TCF3: variants seen among roughly 807,000 people sequenced by gnomAD.
The protein encoded by TCF3 is transcription factor E2-alpha.
In TCF3, 54 loss-of-function variants were observed where a neutral mutation model predicts 72.3. The observed-to-expected ratio is 0.75, with a 90% CI of 0.60 to 0.94. The LOEUF (loss-of-function observed/expected upper bound fraction) is 0.94, where lower values mean the gene tolerates loss of function less well. Ranked by LOEUF, TCF3 falls within the 40% of genes least tolerant of loss-of-function variation. The probability of loss-of-function intolerance (pLI) is 0.00; values close to 1 mark genes in which losing one functional copy is unlikely to be tolerated. For synonymous variants in TCF3, 525 were observed against 412.6 expected, an observed-to-expected ratio of 1.27 and a Z score of -3.30; for missense variants, 1,078 against 934.4, an observed-to-expected ratio of 1.15 and a Z score of -2.00.
chr19:1,645,230 C>T (rs1433282555), intron 3 of TCF3, among the ~76,000 whole-genome samples: 1 of 152,086 alleles, frequency 6.6e-6, no homozygotes. Flanking sequence ...CCACCCAGAT[C>T]CCGGAGGCAG....
chr19:1,623,315 G>A (rs1478411335), intron 8 of TCF3, among the ~76,000 whole-genome samples: 1 of 152,050 alleles, frequency 6.6e-6, no homozygotes, highest in Non-Finnish European at 1.5e-5. Flanking sequence ...CTGGTAGGGA[G>A]GCAGGGATGC....
Position 1,619,750 on chromosome 19 carries a change from AGGGTGGGGTG to A in TCF3, c.1167+20_1167+29del. On this transcript the variant is annotated intron_variant, in intron 14 of 18. Transcript: ENST00000262965. Reference sequence around the variant, plus strand: ...TCTGTCCTGCAAATTCTGTCGGGGAAGGGTGGGGTGGGGCGGGGCAGGCACTCACCAGGCC... The same window carrying A: ...TCTGTCCTGCAAATTCTGTCGGGGAAGGGCGGGGCAGGCACTCACCAGGCC... 1 of 922,250 alleles carries A rather than the reference AGGGTGGGGTG, an allele frequency of 1.1e-6. No individual in the cohort carries two copies. 57.1% of individuals were successfully genotyped at this position (922,250 alleles called of 1,614,324 possible).
intron 3 of TCF3, among the ~76,000 whole-genome samples, chr19:1,637,483 G>A (rs983988356): frequency 6.6e-6 from 1 of 152,188 alleles, no homozygotes; most frequent in Non-Finnish European, 1.5e-5. Flanking sequence ...CAGAGAAACA[G>A]GGCCCCGCTT....
At chr19:1,629,829 C>G (rs1406206878) in intron 5 of TCF3, among the ~76,000 whole-genome samples, 1 of 152,176 alleles carries the variant, frequency 6.6e-6, no homozygotes, top group African/African-American at 2.4e-5. Context: ...AACGATTTCC[C>G]AACTCCTGGA....
Position 1,609,631 on chromosome 19 carries a change from G to A in TCF3, c.*2076C>T, listed in dbSNP as rs905212039. On this transcript the variant is annotated 3_prime_UTR_variant, in exon 19 of 19. Coordinates refer to ENST00000262965, the MANE Select transcript of TCF3 (RefSeq NM_003200.5). Reference sequence around the variant, plus strand: ...GCAGGGCCAGGAGCAAAACAAGAGGGAGAGGCAAGTTCCCTTAAGAGATCA... The same window carrying A: ...GCAGGGCCAGGAGCAAAACAAGAGGAAGAGGCAAGTTCCCTTAAGAGATCA... 10 of 223,322 alleles carry A rather than the reference G, an allele frequency of 4.5e-5. No individual in the cohort carries two copies. The highest frequency in any genetic ancestry group is 7.1e-5 in the Non-Finnish European group (8 of 112,158). The allele number at this position is 223,322 out of a possible 1,614,324, so 13.8% of individuals were successfully genotyped here. A position where few individuals can be genotyped will look rare whatever the true frequency, so the allele number is the denominator to read the frequency against.
At chr19:1,642,256 G>GCGCACACCCGCA (rs1555775220) in intron 3 of TCF3, among the ~76,000 whole-genome samples, 48 of 150,770 alleles carry the variant, frequency 3.2e-4, no homozygotes, top group African/African-American at 9.8e-4. Context: ...ACACACACGT[G>GCGCACACCCGCA]CGCACACACG....
chr19:1,626,728 G>T (rs899307250), intron 6 of TCF3, among the ~76,000 whole-genome samples: 2 of 152,190 alleles, frequency 1.3e-5, no homozygotes, highest in South Asian at 4.1e-4. Flanking sequence ...AGGGAAACGC[G>T]CATCTGCCCC....
chr19:1,625,133 C>T (rs777359125), intron 7 of TCF3, among the ~76,000 whole-genome samples: 2 of 152,256 alleles, frequency 1.3e-5, no homozygotes, highest in Non-Finnish European at 2.9e-5. Context: ...AGGTGAGTGC[C>T]GCCATGCCTG....
intron 2 of TCF3, among the ~76,000 whole-genome samples, chr19:1,648,382 T>TC (rs2066459135): frequency 6.6e-6 from 1 of 152,098 alleles, no homozygotes; most frequent in Non-Finnish European, 1.5e-5. Context: ...GACGGGCACC[T>TC]CGCCGCTCCC....
At chr19:1,642,129 TACACACACACACACACAC>T (rs10531649) in intron 3 of TCF3, among the ~76,000 whole-genome samples, 2 of 147,358 alleles carry the variant, frequency 1.4e-5, no homozygotes, top group East Asian at 2.0e-4. Context: ...TGCACAGAAC[TACACACACACACACACAC>T]ACACACACAC....
At chr19:1,645,458 A>G (rs1275539598) in intron 3 of TCF3, among the ~76,000 whole-genome samples, 4 of 151,882 alleles carry the variant, frequency 2.6e-5, no homozygotes, top group African/African-American at 9.7e-5. Flanking sequence ...CTGCCCCTGC[A>G]ACGAACACAG....
chr19:1,611,575 T>G lies in TCF3; in HGVS notation c.*132A>C. 1 of 1,270,746 alleles carries G rather than the reference T, an allele frequency of 7.9e-7. No individual in the cohort carries two copies. The highest frequency in any genetic ancestry group is 1.1e-6 in the Non-Finnish European group (1 of 942,234). The allele number at this position is 1,270,746 out of a possible 1,614,324, so 78.7% of individuals were successfully genotyped here. A position where few individuals can be genotyped will look rare whatever the true frequency, so the allele number is the denominator to read the frequency against. ...CCCCATCACTCCGAACCTTGTCAGG[T>G]TGGTGTTGGCTCGATGCTGACAACA... On this transcript the variant is annotated 3_prime_UTR_variant, in exon 19 of 19. Coordinates refer to ENST00000262965, the MANE Select transcript of TCF3 (RefSeq NM_003200.5).
chr19:1,621,717 C>A (rs1599605427), intron 11 of TCF3, 121 bp downstream of exon 11: 1 of 1,324,174 alleles, frequency 7.6e-7, no homozygotes, highest in Non-Finnish European at 1.0e-6. Context: ...TGACAACAAC[C>A]CGCTCTCAGG....
intron 3 of TCF3, 27 bp from the exon 4 acceptor site, chr19:1,632,432 G>A (rs2063823013): frequency 1.9e-6 from 3 of 1,572,440 alleles, no homozygotes; most frequent in South Asian, 2.3e-5. Flanking sequence ...GAGAGTTATG[G>A]GTCACCCTCA....
chr19:1,650,269 C>A lies in TCF3; in HGVS notation c.-21G>T, dbSNP rs771716468. ...TTCATTCTCCTGGGGCCAGGGCGGG[C>A]ACCTCAGGCCTGGAAACCCTGCTTG... On this transcript the variant is annotated 5_prime_UTR_variant, in exon 2 of 19. Transcript: ENST00000262965. 4.5e-6 allele frequency: 7 copies of A among 1,552,332 alleles called. No homozygotes were observed. Among genetic ancestry groups the A allele is most frequent in the South Asian group, 1.2e-5 (1 of 84,556 alleles).
rs765968412 is a variant in TCF3 at position 1,612,280 on chromosome 19, G to A, written c.1823-431C>T. On this transcript the variant is annotated intron_variant, in intron 18 of 18. Transcript: ENST00000262965. ...GGATGAGCAGCTTGGTCTGCGCTTT[G>A]TCCGACTTGAGGTGCATCTGGCACA... 16 of 1,613,344 alleles carry A rather than the reference G, an allele frequency of 9.9e-6. No homozygotes were observed. The highest frequency in any genetic ancestry group is 1.3e-5 in the African/African-American group (1 of 74,924).
At chr19:1,625,842 C>CAGAGAAACACCGTGACA in intron 6 of TCF3, 134 bp from the exon 7 acceptor site, 3 of 1,161,784 alleles carry the variant, frequency 2.6e-6, no homozygotes, top group Non-Finnish European at 3.4e-6. Context: ...CTGCCTGTCA[C>CAGAGAAACACCGTGACA]GGTGTTTCTC....
intron 3 of TCF3, among the ~76,000 whole-genome samples, chr19:1,641,530 G>C (rs1909475705): frequency 6.6e-6 from 1 of 151,936 alleles, no homozygotes; most frequent in Non-Finnish European, 1.5e-5. Context: ...TCAGCTAACT[G>C]CAACCTCCGC....
intron 1 of TCF3, among the ~76,000 whole-genome samples, chr19:1,651,509 CAGACTT>C (rs944932423): frequency 4.6e-5 from 7 of 152,224 alleles, no homozygotes; most frequent in African/African-American, 1.7e-4. Flanking sequence ...GATTTTAAGA[CAGACTT>C]AGTTGGGGGG....
Sources: allele counts gnomAD v4.1 joint callset (sites outside exome capture counted in the v4.1 genomes callset), GRCh38; gene constraint gnomAD v4.1.1; transcripts MANE v1.5; gene names NCBI Gene and HGNC (gene_info 2026-07-23, HGNC 2026-07-21).